The following FHL5 variants were observed in gnomAD, a reference collection of about 807,000 sequenced individuals.
The protein encoded by FHL5 is four and a half LIM domains protein 5.
A neutral mutation model predicts 32.0 loss-of-function variants in FHL5; 33 were observed. The observed-to-expected ratio is 1.03, with a 90% CI of 0.78 to 1.38. The LOEUF is 1.38. Among genes scored for constraint, FHL5 ranks in the 40% most tolerant of loss-of-function variants. FHL5 has a pLI of 0.00. For missense variants in FHL5, 336 were observed against 343.9 expected, an observed-to-expected ratio of 0.98 and a Z score of 0.18; for synonymous variants, 114 against 113.6, an observed-to-expected ratio of 1.00 and a Z score of -0.02.
chr6:96,577,941 C>CA (rs201913399), intron 1 of FHL5, among the ~76,000 whole-genome samples: 2,456 of 102,876 alleles, frequency 0.024, 31 homozygotes, highest in South Asian at 0.031. Flanking sequence ...CTTCTTCTTT[C>CA]AAAAAAAAAA....
At chr6:96,582,183 T>C (rs192898158) in intron 1 of FHL5, among the ~76,000 whole-genome samples, 1 of 152,278 alleles carries the variant, frequency 6.6e-6, no homozygotes, top group Non-Finnish European at 1.5e-5. Context: ...CAGACTTATA[T>C]CTGCTGAAAT....
At chr6:96,581,533 G>T (rs186936271) in intron 1 of FHL5, among the ~76,000 whole-genome samples, 1 of 152,278 alleles carries the variant, frequency 6.6e-6, no homozygotes, top group Admixed American at 6.5e-5. Context: ...TGTGTTACAG[G>T]TTTCATCCTT....
chr6:96,578,579 C>T (rs751596620), intron 1 of FHL5, among the ~76,000 whole-genome samples: 8 of 152,090 alleles, frequency 5.3e-5, no homozygotes, highest in South Asian at 2.1e-4. Flanking sequence ...CAGTGGCTCA[C>T]GCCTGTAATC....
chr6:96,571,492 G>A (rs1230289158), intron 1 of FHL5, among the ~76,000 whole-genome samples: 1 of 152,142 alleles, frequency 6.6e-6, no homozygotes, highest in African/African-American at 2.4e-5. Flanking sequence ...CAGTGATCAG[G>A]ATTCTACATG....
In FHL5 at chr6:96,565,807, T is replaced by C. The variant is rs996694081; in HGVS notation, c.-13+2452T>C. Among the ~76,000 whole-genome samples the C allele has an allele frequency of 5.3e-5, 8 of 152,138 alleles. No individual in the cohort carries two copies. In the South Asian group the frequency reaches 6.2e-4, roughly 12 times the overall value. ...TATTCATAAAACAATTTAAGTAACA[T>C]GTCATAAGTCACATGACTTCTAAGA... On this transcript the variant is annotated intron_variant, in intron 1 of 5. Coordinates refer to ENST00000450218, the MANE Select transcript of FHL5 (RefSeq NM_001322466.2).
chr6:96,599,436 C>A (rs1350992066), intron 1 of FHL5, among the ~76,000 whole-genome samples: 3 of 152,124 alleles, frequency 2.0e-5, no homozygotes, highest in African/African-American at 7.2e-5. Flanking sequence ...GTCAGGTGAT[C>A]TGCCCACCTT....
At position 96,615,647 on chromosome 6, in the gene FHL5, C is replaced by T; in HGVS notation, c.730C>T (p.Gln244Ter). 1 of 1,612,738 alleles carries T rather than the reference C, an allele frequency of 6.2e-7. No individual in the cohort carries two copies. Among genetic ancestry groups the T allele is most frequent in the Non-Finnish European group, 8.5e-7 (1 of 1,179,332 alleles). Residue 244 changes from glutamine (Q) to a stop codon, truncating the protein, a stop_gained, in exon 6 of 6, where the codon CAG (glutamine) becomes TAG (stop). Coordinates refer to ENST00000450218, the MANE Select transcript of FHL5 (RefSeq NM_001322466.2). LOFTEE classifies it high-confidence loss of function. Reference sequence around the variant, plus strand: ...CAAGTTTATCTGCTTTCAAGACAGCCAGTGGCATAGCGAATGCTTTAACTG... The same window carrying T: ...CAAGTTTATCTGCTTTCAAGACAGCTAGTGGCATAGCGAATGCTTTAACTG... Reference protein sequence around the residue: ...GAKFICFQDSQWHSECFNCGK... With the variant: ...GAKFICFQDS
At chr6:96,580,845 T>C (rs1285597179) in intron 1 of FHL5, among the ~76,000 whole-genome samples, 2 of 152,184 alleles carry the variant, frequency 1.3e-5, no homozygotes, top group Non-Finnish European at 2.9e-5. Flanking sequence ...TTAAAACTGC[T>C]TTATAGGCTC....
chr6:96,588,346 G>T lies in FHL5; in HGVS notation c.-12-15256G>T, dbSNP rs767421719. Among the ~76,000 whole-genome samples the T allele has an allele frequency of 2.6e-5, 4 of 152,146 alleles. No individual in the cohort carries two copies. The South Asian group carries it at 8.3e-4, about 32-fold the overall frequency. On this transcript the variant is annotated intron_variant, in intron 1 of 5. Transcript: ENST00000450218. ...CTGCCTCAGCCTCCCAACTGGCTGG[G>T]ATTACAGGCATGCACCACCATGCCT...
intron 5 of FHL5, among the ~76,000 whole-genome samples, chr6:96,615,146 C>A (rs1771489934): frequency 6.6e-6 from 1 of 152,160 alleles, no homozygotes; most frequent in African/African-American, 2.4e-5. Context: ...CAACATTGGA[C>A]ATCAAACTAG....
At chr6:96,571,711 C>A (rs184365033) in intron 1 of FHL5, among the ~76,000 whole-genome samples, 1 of 152,224 alleles carries the variant, frequency 6.6e-6, no homozygotes, top group East Asian at 1.9e-4. Flanking sequence ...ACTGGCCTGA[C>A]TCCAGGGAAT....
chr6:96,605,439 G>T (rs1333641579), intron 3 of FHL5, among the ~76,000 whole-genome samples: 1 of 152,160 alleles, frequency 6.6e-6, no homozygotes, highest in Admixed American at 6.5e-5. Context: ...AGCAGCATAA[G>T]AACATAATTC....
chr6:96,589,404 G>T (rs1770868956), intron 1 of FHL5, among the ~76,000 whole-genome samples: 2 of 151,998 alleles, frequency 1.3e-5, no homozygotes, highest in Admixed American at 1.3e-4. Flanking sequence ...TATTGACCTT[G>T]TATCAAGGAA....
chr6:96,566,864 C>T (rs1770369128), intron 1 of FHL5, among the ~76,000 whole-genome samples: 2 of 151,576 alleles, frequency 1.3e-5, no homozygotes. Context: ...TGCTATTGAG[C>T]TCATTTTATA....
intron 4 of FHL5, among the ~76,000 whole-genome samples, chr6:96,607,098 T>A (rs931517147): frequency 2.0e-5 from 3 of 152,144 alleles, no homozygotes; most frequent in African/African-American, 7.2e-5. Flanking sequence ...AATTCTTTTT[T>A]TATCCTCTAA....
At chr6:96,582,792 G>A (rs1308718575) in intron 1 of FHL5, among the ~76,000 whole-genome samples, 1 of 152,108 alleles carries the variant, frequency 6.6e-6, no homozygotes, top group Non-Finnish European at 1.5e-5. Context: ...TATGGCTTAA[G>A]TTATTTTTAA....
chr6:96,570,451 A>G (rs1483956256), intron 1 of FHL5, among the ~76,000 whole-genome samples: 4 of 152,024 alleles, frequency 2.6e-5, no homozygotes, highest in Non-Finnish European at 5.9e-5. Flanking sequence ...CTCTAAGAGG[A>G]CCTTTTTGGG....
chr6:96,588,940 A>G (rs1367995694), intron 1 of FHL5, among the ~76,000 whole-genome samples: 1 of 152,008 alleles, frequency 6.6e-6, no homozygotes, highest in Admixed American at 6.6e-5. Flanking sequence ...TTTTAAAAAA[A>G]TTTTCCTAAC....
At chr6:96,571,376 C>T (rs1403573025) in intron 1 of FHL5, among the ~76,000 whole-genome samples, 1 of 152,114 alleles carries the variant, frequency 6.6e-6, no homozygotes, top group Admixed American at 6.5e-5. Flanking sequence ...CTGGGGTCCT[C>T]CTATTCTGGT....
Sources: gnomAD v4.1 joint callset for allele counts (sites outside exome capture counted in the v4.1 genomes callset) on GRCh38, gnomAD v4.1.1 for gene constraint, MANE v1.5 for transcripts, NCBI Gene and HGNC (gene_info 2026-07-23, HGNC 2026-07-21) for gene names.